The following PAPSS2 variants were observed in gnomAD, a reference collection of about 807,000 sequenced individuals.
PAPSS2 encodes bifunctional 3'-phosphoadenosine 5'-phosphosulfate synthase 2.
PAPSS2 carries 61 observed loss-of-function variants against 66.5 expected under a neutral mutation model. The ratio of observed to expected loss-of-function variants is 0.92; its 90% CI spans 0.75 to 1.14. PAPSS2 has a LOEUF of 1.14. Among genes scored for constraint, PAPSS2 ranks in the 50% most tolerant of loss-of-function variants. The pLI, the probability that PAPSS2 is intolerant of heterozygous loss-of-function variation, is 0.00. For missense variants in PAPSS2, 708 were observed against 789.6 expected, an observed-to-expected ratio of 0.90 and a Z score of 1.24; for synonymous variants, 289 against 287.5, an observed-to-expected ratio of 1.01 and a Z score of -0.05.
chr10:87,741,125 TGAAG>T, intron 9 of PAPSS2, 106 bp from the exon 10 acceptor site: 2 of 1,094,906 alleles, frequency 1.8e-6, no homozygotes, highest in Non-Finnish European at 2.8e-6. Context: ...ACTAAAGAAC[TGAAG>T]GCAGTTCTTT....
intron 1 of PAPSS2, among the ~76,000 whole-genome samples, chr10:87,676,459 G>A (rs2131900632): frequency 6.6e-6 from 1 of 152,158 alleles, no homozygotes; most frequent in East Asian, 1.9e-4. Flanking sequence ...AGCATTTCTG[G>A]GAGAAATATG....
At chr10:87,718,146 G>A (rs915683453) in intron 7 of PAPSS2, among the ~76,000 whole-genome samples, 17 of 151,724 alleles carry the variant, frequency 1.1e-4, no homozygotes, top group Admixed American at 4.6e-4. Flanking sequence ...GGGTTCAAGC[G>A]ATTCTCCTGA....
chr10:87,697,786 C>T (rs983178149), intron 1 of PAPSS2, among the ~76,000 whole-genome samples: 1 of 152,174 alleles, frequency 6.6e-6, no homozygotes, highest in Admixed American at 6.5e-5. Flanking sequence ...CCAATGGAAA[C>T]TCCACAGTCT....
intron 1 of PAPSS2, among the ~76,000 whole-genome samples, chr10:87,692,381 GGGT>G (rs1232670181): frequency 2.0e-5 from 3 of 152,160 alleles, no homozygotes; most frequent in African/African-American, 7.2e-5. Flanking sequence ...AATCACTGAG[GGGT>G]GTAGGGAGGA....
Position 87,703,871 on chromosome 10 carries a change from C to T in PAPSS2, c.28-5325C>T, listed in dbSNP as rs140297110. 2,494 of 512,620 alleles carry T rather than the reference C, an allele frequency of 4.9e-3. 12 individuals carry two copies. The highest frequency in any genetic ancestry group is 0.033 in the Middle Eastern group (102 of 3,120). 31.8% of individuals were successfully genotyped at this position (512,620 alleles called of 1,614,324 possible). On this transcript the variant is annotated intron_variant, in intron 1 of 12. Coordinates refer to ENST00000456849, the MANE Select transcript of PAPSS2 (RefSeq NM_001015880.2). Reference sequence around the variant, plus strand: ...TAAGGGGCAGAGTTAGATGGGATGCCGAGGATGTCTGTGTGTTCTCTATGT... The same window carrying T: ...TAAGGGGCAGAGTTAGATGGGATGCTGAGGATGTCTGTGTGTTCTCTATGT...
At chr10:87,705,217 A>T (rs1453280532) in intron 1 of PAPSS2, among the ~76,000 whole-genome samples, 1 of 152,194 alleles carries the variant, frequency 6.6e-6, no homozygotes, top group East Asian at 1.9e-4. Context: ...GACTCAGCCT[A>T]ATGTTTTCCA....
chr10:87,701,430 C>CTCTCTCTCTCTCTCTCTT (rs373318487), intron 1 of PAPSS2, among the ~76,000 whole-genome samples: 10 of 73,304 alleles, frequency 1.4e-4, no homozygotes, highest in East Asian at 1.1e-3. Flanking sequence ...CTCTCTCTCT[C>CTCTCTCTCTCTCTCTCTT]TCTTTCTTTC....
intron 1 of PAPSS2, among the ~76,000 whole-genome samples, chr10:87,702,165 A>G (rs1853327076): frequency 6.6e-6 from 1 of 152,226 alleles, no homozygotes; most frequent in South Asian, 2.1e-4. Flanking sequence ...ATAGTGTAGT[A>G]TGAAAAGCCT....
intron 1 of PAPSS2, among the ~76,000 whole-genome samples, chr10:87,686,875 G>T (rs946860881): frequency 1.3e-5 from 2 of 152,124 alleles, no homozygotes; most frequent in African/African-American, 4.8e-5. Context: ...GATTCCCATG[G>T]CCTAGGCATG....
At chr10:87,714,901 A>C (rs1401883036) in intron 5 of PAPSS2, 38 bp downstream of exon 5, 1 of 1,465,680 alleles carries the variant, frequency 6.8e-7, no homozygotes, top group South Asian at 1.1e-5. Flanking sequence ...ATGTTTAATA[A>C]AATCATGAAA....
intron 9 of PAPSS2, among the ~76,000 whole-genome samples, chr10:87,730,247 G>A (rs563623338): frequency 1.3e-5 from 2 of 152,276 alleles, no homozygotes; most frequent in East Asian, 3.9e-4. Context: ...TGCACACGGG[G>A]AAAATCACAG....
At chr10:87,703,329 G>T (rs1220008046) in intron 1 of PAPSS2, among the ~76,000 whole-genome samples, 1 of 150,538 alleles carries the variant, frequency 6.6e-6, no homozygotes, top group Non-Finnish European at 1.5e-5. Flanking sequence ...AACTGGTGCA[G>T]TCCTATCCAT....
At chr10:87,665,371 C>T (rs754643532) in intron 1 of PAPSS2, among the ~76,000 whole-genome samples, 1 of 152,152 alleles carries the variant, frequency 6.6e-6, no homozygotes, top group Non-Finnish European at 1.5e-5. Context: ...GCCACCACGC[C>T]CGGCTAACTT....
At chr10:87,674,776 G>A (rs371296395) in intron 1 of PAPSS2, among the ~76,000 whole-genome samples, 45 of 152,164 alleles carry the variant, frequency 3.0e-4, no homozygotes, top group Non-Finnish European at 3.4e-4. Flanking sequence ...ATTTATTACC[G>A]TGCTATAATT....
intron 1 of PAPSS2, 135 bp from the exon 2 acceptor site, chr10:87,709,061 T>C: frequency 1.6e-6 from 1 of 606,334 alleles, no homozygotes; most frequent in Non-Finnish European, 3.0e-6. Context: ...TGAGTCTCTT[T>C]CAAAATATTT....
intron 1 of PAPSS2, among the ~76,000 whole-genome samples, chr10:87,687,494 T>C (rs1400069343): frequency 6.6e-6 from 1 of 152,188 alleles, no homozygotes; most frequent in East Asian, 1.9e-4. Context: ...ACAAATAGCA[T>C]GTTCTCTCAC....
At chr10:87,685,354 G>C (rs1179120054) in intron 1 of PAPSS2, among the ~76,000 whole-genome samples, 4 of 152,106 alleles carry the variant, frequency 2.6e-5, no homozygotes, top group Admixed American at 6.6e-5. Flanking sequence ...TCTCTTTAAT[G>C]TTTGTAGGAA....
chr10:87,689,134 A>T (rs1853131091), intron 1 of PAPSS2, among the ~76,000 whole-genome samples: 1 of 151,884 alleles, frequency 6.6e-6, no homozygotes, highest in Non-Finnish European at 1.5e-5. Context: ...TGAGGTCGGG[A>T]GTTGGAGATC....
chr10:87,738,424 T>A (rs956131767), intron 9 of PAPSS2, among the ~76,000 whole-genome samples: 1 of 151,614 alleles, frequency 6.6e-6, no homozygotes, highest in Non-Finnish European at 1.5e-5. Flanking sequence ...TGTATGTGTG[T>A]GTGTGTGTGT....
Sources: gnomAD v4.1 joint callset for allele counts (sites outside exome capture counted in the v4.1 genomes callset) on GRCh38, gnomAD v4.1.1 for gene constraint, MANE v1.5 for transcripts, NCBI Gene and HGNC (gene_info 2026-07-23, HGNC 2026-07-21) for gene names.